AK8: variants seen among roughly 807,000 people sequenced by gnomAD.
AK8 encodes the protein adenylate kinase 8.
A neutral mutation model predicts 54.6 loss-of-function variants in AK8; 44 were observed. The ratio of observed to expected loss-of-function variants is 0.81; its 90% CI spans 0.63 to 1.04. The LOEUF is 1.04. Among genes scored for constraint, AK8 ranks in the 50% least tolerant of loss-of-function variants. The pLI is 0.00. For missense variants in AK8, 555 were observed against 613.6 expected, an observed-to-expected ratio of 0.90 and a Z score of 1.01; for synonymous variants, 239 against 245.6, an observed-to-expected ratio of 0.97 and a Z score of 0.25.
intron 11 of AK8, among the ~76,000 whole-genome samples, chr9:132,778,855 C>T (rs1471020972): frequency 6.6e-6 from 1 of 151,742 alleles, no homozygotes; most frequent in Non-Finnish European, 1.5e-5. Context: ...TTCCAGTTTG[C>T]TTCAGTTTGA....
intron 9 of AK8, 34 bp from the exon 10 acceptor site, chr9:132,814,761 A>C (rs368549643): frequency 1.6e-4 from 254 of 1,585,556 alleles, no homozygotes; most frequent in Middle Eastern, 1.2e-3. Flanking sequence ...ACACCCATTA[A>C]ATTTTAAATA....
chr9:132,818,730 G>A (rs1841444788), intron 9 of AK8, among the ~76,000 whole-genome samples: 1 of 152,076 alleles, frequency 6.6e-6, no homozygotes, highest in Admixed American at 6.6e-5. Flanking sequence ...GCTCATGCCT[G>A]TAACTTCAGT....
intron 10 of AK8, among the ~76,000 whole-genome samples, chr9:132,800,067 G>C (rs550745505): frequency 1.3e-5 from 2 of 152,154 alleles, no homozygotes; most frequent in African/African-American, 4.8e-5. Flanking sequence ...AGCGGGGCTC[G>C]CATCCCGCCA....
At chr9:132,819,406 A>C (rs1328669128) in intron 9 of AK8, among the ~76,000 whole-genome samples, 3 of 152,234 alleles carry the variant, frequency 2.0e-5, no homozygotes, top group Non-Finnish European at 4.4e-5. Flanking sequence ...AGGTCCTAGA[A>C]CCAATCCCCC....
Position 132,875,282 on chromosome 9 carries a change from C to G in AK8, c.85-83G>C, listed in dbSNP as rs534155738. 15 of 1,556,226 alleles carry G rather than the reference C, an allele frequency of 9.6e-6. No homozygotes were observed. The South Asian group carries it at 1.4e-4, about 15-fold the overall frequency. On this transcript the variant is annotated intron_variant, in intron 1 of 12. Coordinates refer to ENST00000298545, the MANE Select transcript of AK8 (RefSeq NM_152572.3). Reference sequence around the variant, plus strand: ...ACAGATACCAGCTATGGGGCCTGCTCTCTCCACTGCACCCCACCAAACATG... The same window carrying G: ...ACAGATACCAGCTATGGGGCCTGCTGTCTCCACTGCACCCCACCAAACATG...
At chr9:132,848,818 C>T (rs371641280) in intron 5 of AK8, among the ~76,000 whole-genome samples, 4 of 151,900 alleles carry the variant, frequency 2.6e-5, no homozygotes, top group South Asian at 2.1e-4. Flanking sequence ...ATCAAGTCGC[C>T]GAGCTTGGAA....
chr9:132,828,325 TC>T (rs1246816680), intron 6 of AK8, among the ~76,000 whole-genome samples: 4 of 152,190 alleles, frequency 2.6e-5, no homozygotes, highest in Non-Finnish European at 4.4e-5. Context: ...GTTAACAATT[TC>T]CCTCGTCACA....
intron 11 of AK8, among the ~76,000 whole-genome samples, chr9:132,792,413 C>T (rs1450818262): frequency 1.3e-5 from 2 of 152,222 alleles, no homozygotes; most frequent in Non-Finnish European, 2.9e-5. Flanking sequence ...TACTGTTTTA[C>T]AGATGAGGGT....
In AK8 at chr9:132,770,530, C is replaced by T. The variant is rs1310996173; in HGVS notation, c.1121+22104G>A. On this transcript the variant is annotated intron_variant, in intron 11 of 12. Coordinates refer to ENST00000298545, the MANE Select transcript of AK8 (RefSeq NM_152572.3). The surrounding 1 kb of genome is among the most constrained non-coding windows in gnomAD (Gnocchi z 4.3). Reference sequence around the variant, plus strand: ...CGGGGGATGCCCCTCGCCCTGCACGCGCGCCCTGCCCCTGGCTGTAACCTG... The same window carrying T: ...CGGGGGATGCCCCTCGCCCTGCACGTGCGCCCTGCCCCTGGCTGTAACCTG... 9.2e-5 allele frequency among the ~76,000 whole-genome samples: 14 copies of T among 152,154 alleles called. No individual in the cohort carries two copies. Among genetic ancestry groups the T allele is most frequent in the Non-Finnish European group, 1.8e-4 (12 of 68,022 alleles).
intron 2 of AK8, among the ~76,000 whole-genome samples, chr9:132,869,748 T>C (rs1385674122): frequency 2.6e-5 from 4 of 152,142 alleles, no homozygotes; most frequent in Non-Finnish European, 5.9e-5. Context: ...TGAGGACACA[T>C]GGTCAGGTGA....
upstream of AK8, chr9:132,878,435 G>C: frequency 1.6e-6 from 2 of 1,230,834 alleles, no homozygotes; most frequent in African/African-American, 1.6e-5. The surrounding 1 kb of genome is among the most constrained non-coding windows in gnomAD (Gnocchi z 4.7). Flanking sequence ...TCTGCGGCTC[G>C]GGCAAGTTCT....
At chr9:132,796,770 TACACACACACACACACACACACAC>T (rs10590924) in intron 10 of AK8, among the ~76,000 whole-genome samples, 9 of 142,308 alleles carry the variant, frequency 6.3e-5, no homozygotes, top group South Asian at 2.3e-4. Context: ...ACATACATGC[TACACACACACACACACACACACAC>T]ACACACACAC....
intron 12 of AK8, among the ~76,000 whole-genome samples, chr9:132,727,031 G>A (rs749497477): frequency 3.3e-5 from 5 of 151,926 alleles, no homozygotes; most frequent in Admixed American, 6.6e-5. Flanking sequence ...AATCAAACTC[G>A]GAATCTACCT....
intron 9 of AK8, 114 bp downstream of exon 9, chr9:132,823,091 G>A (rs2131291326): frequency 7.2e-7 from 1 of 1,387,204 alleles, no homozygotes; most frequent in Non-Finnish European, 9.5e-7. Flanking sequence ...AAAGAGAAGT[G>A]ATACTGACCC....
intron 12 of AK8, among the ~76,000 whole-genome samples, chr9:132,727,217 G>A (rs930007896): frequency 2.6e-5 from 4 of 152,096 alleles, no homozygotes; most frequent in African/African-American, 9.7e-5. Flanking sequence ...GGATAGAGTG[G>A]GTGAACATTT....
At chr9:132,817,224 G>A (rs1321956524) in intron 9 of AK8, among the ~76,000 whole-genome samples, 2 of 152,136 alleles carry the variant, frequency 1.3e-5, no homozygotes, top group Non-Finnish European at 2.9e-5. Context: ...CTGAAAATAA[G>A]CTTCAGTAGG....
intron 3 of AK8, among the ~76,000 whole-genome samples, chr9:132,866,117 G>C (rs1312903290): frequency 1.3e-5 from 2 of 152,130 alleles, no homozygotes; most frequent in Non-Finnish European, 2.9e-5. Context: ...AGAATCGCTT[G>C]AACCTAGGAG....
At chr9:132,868,717 CTG>C (rs768556699) in intron 2 of AK8, among the ~76,000 whole-genome samples, 1 of 152,216 alleles carries the variant, frequency 6.6e-6, no homozygotes, top group Non-Finnish European at 1.5e-5. Context: ...GCGGCCAGAA[CTG>C]TGAGGAGCCA....
chr9:132,736,083 G>A (rs537267082), intron 11 of AK8, among the ~76,000 whole-genome samples: 1 of 152,186 alleles, frequency 6.6e-6, no homozygotes, highest in South Asian at 2.1e-4. Context: ...GTAAAAATAG[G>A]GTATCAGAAT....
Sources: allele counts gnomAD v4.1 joint callset (sites outside exome capture counted in the v4.1 genomes callset), GRCh38; gene constraint gnomAD v4.1.1; non-coding constraint Gnocchi (gnomAD v3.1); transcripts MANE v1.5; gene names NCBI Gene and HGNC (gene_info 2026-07-23, HGNC 2026-07-21).